The following WAPL variants were observed in gnomAD, a reference collection of about 807,000 sequenced individuals.
WAPL encodes WAPL cohesin release factor.
WAPL carries 5 observed loss-of-function variants against 121.0 expected under a neutral mutation model. The ratio of observed to expected loss-of-function variants is 0.04; its 90% CI spans 0.02 to 0.09. WAPL has a LOEUF of 0.09. Ranked by LOEUF, WAPL falls within the 10% of genes least tolerant of loss-of-function variation. The probability of loss-of-function intolerance (pLI) is 1.00; values close to 1 mark genes in which losing one functional copy is unlikely to be tolerated. For missense variants in WAPL, 999 were observed against 1,410.8 expected, an observed-to-expected ratio of 0.71 and a Z score of 4.68; for synonymous variants, 480 against 481.5, an observed-to-expected ratio of 1.00 and a Z score of 0.04.
chr10:86,520,766 T>TAAAAA (rs10574217), intron 1 of WAPL, among the ~76,000 whole-genome samples: 5 of 98,084 alleles, frequency 5.1e-5, no homozygotes, highest in South Asian at 3.8e-4. Flanking sequence ...CGCTGTGATT[T>TAAAAA]AAAAAAAAAA....
chr10:86,457,371 G>T (rs1228317755), intron 12 of WAPL, among the ~76,000 whole-genome samples: 6 of 140,788 alleles, frequency 4.3e-5, no homozygotes, highest in Non-Finnish European at 9.1e-5. Flanking sequence ...ATATAAAATA[G>T]GCCAGGCACG....
chr10:86,494,731 C>T (rs1354885981), intron 4 of WAPL, among the ~76,000 whole-genome samples: 1 of 152,138 alleles, frequency 6.6e-6, no homozygotes, highest in Non-Finnish European at 1.5e-5. Flanking sequence ...AATGCCCATT[C>T]AAAATGCAAG....
At chr10:86,504,809 G>A (rs1026853144) in intron 2 of WAPL, among the ~76,000 whole-genome samples, 2 of 151,866 alleles carry the variant, frequency 1.3e-5, no homozygotes, top group Admixed American at 6.6e-5. Flanking sequence ...GCAACACAGC[G>A]AGGCTCCATC....
chr10:86,505,341 C>G (rs1842329050), intron 2 of WAPL, among the ~76,000 whole-genome samples: 1 of 94,208 alleles, frequency 1.1e-5, no homozygotes, highest in Admixed American at 1.5e-4. Context: ...CAGAGTCTTG[C>G]TCTGTCAATA....
intron 2 of WAPL, among the ~76,000 whole-genome samples, chr10:86,515,994 T>C (rs1842549038): frequency 6.6e-6 from 1 of 150,664 alleles, no homozygotes; most frequent in Non-Finnish European, 1.5e-5. Flanking sequence ...ACCTCCGTAG[T>C]AGGTGGGATT....
chr10:86,455,115 T>C (rs10788508), intron 12 of WAPL, among the ~76,000 whole-genome samples: 142,534 of 148,348 alleles, frequency 0.96, 68,527 homozygotes, highest in East Asian at 1. Context: ...GGTGGGGGGG[T>C]GCCTCTGCCC....
At chr10:86,490,006 G>A (rs966159457) in intron 4 of WAPL, among the ~76,000 whole-genome samples, 4 of 152,022 alleles carry the variant, frequency 2.6e-5, no homozygotes, top group African/African-American at 9.7e-5. Context: ...CTTGAGGTCA[G>A]CAGTTCAAGA....
At chr10:86,499,203 G>A (rs1375628872) in intron 3 of WAPL, among the ~76,000 whole-genome samples, 2 of 152,154 alleles carry the variant, frequency 1.3e-5, no homozygotes, top group African/African-American at 4.8e-5. Context: ...CTACAAATTG[G>A]TTCCTTACAA....
At chr10:86,474,547 GCTTA>G (rs1366131906) in intron 4 of WAPL, among the ~76,000 whole-genome samples, 21 of 150,950 alleles carry the variant, frequency 1.4e-4, no homozygotes, top group African/African-American at 4.9e-4. Context: ...CTCTTGCTAG[GCTTA>G]CTAAGTAATC....
In WAPL at chr10:86,472,230, G is replaced by A; in HGVS notation, c.2008C>T (p.Pro670Ser). ...TACCTAAGGCAACGTGTGTTTAGAG[G>A]CTGAGTGCTCTTTAAGCCACTTAAC... Reference protein sequence around the residue: ...YLLSGLKSTQPLNTRCLSVIS... With the variant: ...YLLSGLKSTQSLNTRCLSVIS... Residue 670 changes from proline (P) to serine (S), a missense_variant, in exon 7 of 19, where the codon CCT (proline) becomes TCT (serine). Transcript: ENST00000298767. This position sits in a 1 kb window ranked among gnomAD's most constrained non-coding sequence, Gnocchi z 4.2. The A allele has an allele frequency of 6.3e-7, 1 of 1,581,674 alleles. No homozygotes were observed. The highest frequency in any genetic ancestry group is 8.5e-7 in the Non-Finnish European group (1 of 1,171,504).
chr10:86,501,889 A>G (rs553808994), intron 2 of WAPL, among the ~76,000 whole-genome samples: 2 of 152,300 alleles, frequency 1.3e-5, no homozygotes, highest in South Asian at 4.1e-4. Context: ...ACAGGGTCAC[A>G]CTACGGTGCC....
At chr10:86,452,770 T>C (rs894435030) in intron 14 of WAPL, among the ~76,000 whole-genome samples, 2 of 151,326 alleles carry the variant, frequency 1.3e-5, no homozygotes, top group South Asian at 2.1e-4. Flanking sequence ...CCAGACGCAA[T>C]AGCTCATACC....
chr10:86,465,481 T>C (rs1474231918), intron 9 of WAPL, among the ~76,000 whole-genome samples: 1 of 152,194 alleles, frequency 6.6e-6, no homozygotes, highest in Admixed American at 6.5e-5. Flanking sequence ...GCTGGGATTA[T>C]GGGCGTGAGC....
rs188556555 is a variant in WAPL at position 86,512,654 on chromosome 10, T to C, written c.499+4917A>G. ...CTGGCTGAGAACTGACTGGCTTTAA[T>C]AGCAACTGCAATCAGAAATTTCTGT... On this transcript the variant is annotated intron_variant, in intron 2 of 18. Coordinates refer to ENST00000298767, the MANE Select transcript of WAPL (RefSeq NM_015045.5). Among the ~76,000 whole-genome samples, 15 of 152,360 alleles carry C rather than the reference T, an allele frequency of 9.8e-5. No homozygotes were observed. In the East Asian group the frequency reaches 2.7e-3, roughly 27 times the overall value.
Position 86,500,010 on chromosome 10 carries a change from A to G in WAPL, c.1233T>C (p.Thr411=), listed in dbSNP as rs555031020. 7 of 1,614,120 alleles carry G rather than the reference A, an allele frequency of 4.3e-6. No individual in the cohort carries two copies. Among genetic ancestry groups the G allele is most frequent in the Non-Finnish European group, 5.9e-6 (7 of 1,180,012 alleles). ...ATTTAGTATTACTAGGTCGAAATCT[A>G]GTAGTAGTCTTAGAAGTTGCAATAT... ...KADIATSKTT[T]RFRPSNTKSK... The change falls in exon 3 of 19, where the codon ACT becomes ACC. Residue 411 remains threonine, a synonymous_variant. Coordinates refer to ENST00000298767, the MANE Select transcript of WAPL (RefSeq NM_015045.5).
At chr10:86,496,219 TGA>T in intron 4 of WAPL, among the ~76,000 whole-genome samples, 1 of 152,284 alleles carries the variant, frequency 6.6e-6, no homozygotes, top group East Asian at 1.9e-4. Flanking sequence ...TAATCATTAG[TGA>T]AGTGCAAATC....
At chr10:86,503,964 G>A (rs891955593) in intron 2 of WAPL, among the ~76,000 whole-genome samples, 4 of 151,884 alleles carry the variant, frequency 2.6e-5, no homozygotes, top group African/African-American at 7.3e-5. Flanking sequence ...GAGGCCAGAA[G>A]TTCGAGACCA....
intron 15 of WAPL, among the ~76,000 whole-genome samples, chr10:86,448,400 G>A (rs1390035645): frequency 6.6e-6 from 1 of 152,186 alleles, no homozygotes; most frequent in East Asian, 1.9e-4. Context: ...GTAGTGAGCT[G>A]TGACTGGACC....
intron 4 of WAPL, among the ~76,000 whole-genome samples, chr10:86,496,398 T>C (rs968920492): frequency 1.3e-5 from 2 of 151,962 alleles, no homozygotes; most frequent in Non-Finnish European, 2.9e-5. Flanking sequence ...CTCAGAAAGT[T>C]ATAGGCCTAC....
Sources: allele counts gnomAD v4.1 joint callset (sites outside exome capture counted in the v4.1 genomes callset), GRCh38; gene constraint gnomAD v4.1.1; non-coding constraint Gnocchi (gnomAD v3.1); transcripts MANE v1.5; gene names NCBI Gene and HGNC (gene_info 2026-07-23, HGNC 2026-07-21).